Variants in NDUFAF6 observed in about 807,000 individuals in gnomAD.
NDUFAF6 encodes NADH dehydrogenase (ubiquinone) complex I, assembly factor 6.
Under a neutral mutation model 40.8 loss-of-function variants are expected in NDUFAF6, and 45 were observed. That is an observed-to-expected ratio of 1.10 (90% confidence interval 0.87 to 1.42). NDUFAF6 has a LOEUF of 1.42. Among genes scored for constraint, NDUFAF6 ranks in the 40% most tolerant of loss-of-function variants. The pLI, the probability that NDUFAF6 is intolerant of heterozygous loss-of-function variation, is 0.00. For synonymous variants in NDUFAF6, 185 were observed against 155.9 expected, an observed-to-expected ratio of 1.19 and a Z score of -1.39; for missense variants, 435 against 418.5, an observed-to-expected ratio of 1.04 and a Z score of -0.34.
At chr8:95,080,792 G>A (rs1324583721), downstream of NDUFAF6, among the ~76,000 whole-genome samples, 1 of 152,188 alleles carries the variant, frequency 6.6e-6, no homozygotes. Context: ...ACAGGCATGA[G>A]CCACTGTGCC....
chr8:95,111,404 C>T (rs749044144), intron 4 of NDUFAF6, among the ~76,000 whole-genome samples: 4 of 152,188 alleles, frequency 2.6e-5, no homozygotes, highest in Admixed American at 1.3e-4. Flanking sequence ...TTTAAATACA[C>T]GTGTAATCTC....
intron 1 of NDUFAF6, chr8:94,940,353 T>C (rs1486094556): frequency 5.9e-6 from 6 of 1,009,356 alleles, no homozygotes; most frequent in South Asian, 3.3e-5. Context: ...ATGATACTAT[T>C]AGCTGATGCT....
At chr8:94,904,824 T>C (rs1360858875) in intron 1 of NDUFAF6, among the ~76,000 whole-genome samples, 2 of 152,150 alleles carry the variant, frequency 1.3e-5, no homozygotes, top group Admixed American at 6.5e-5. Context: ...AGTTCTTTAT[T>C]TCTGCTTTGT....
chr8:94,961,882 G>A (rs1823606247), intron 1 of NDUFAF6, among the ~76,000 whole-genome samples: 1 of 152,166 alleles, frequency 6.6e-6, no homozygotes, highest in Admixed American at 6.5e-5. Flanking sequence ...TCCAGTGTCA[G>A]CTGCATCAAA....
At chr8:95,064,550 T>TGTGC (rs1832654367) in intron 9 of NDUFAF6, among the ~76,000 whole-genome samples, 1 of 152,160 alleles carries the variant, frequency 6.6e-6, no homozygotes, top group African/African-American at 2.4e-5. Context: ...CGTGTGTGTG[T>TGTGC]GTGTGTGTGT....
At chr8:95,100,208 C>T (rs1475436876), upstream of NDUFAF6, among the ~76,000 whole-genome samples, 3 of 151,170 alleles carry the variant, frequency 2.0e-5, no homozygotes, top group Admixed American at 1.3e-4. Context: ...TGAGGATACC[C>T]GTAAGAATTA....
intron 3 of NDUFAF6, among the ~76,000 whole-genome samples, chr8:95,041,131 A>G (rs551561667): frequency 2.0e-5 from 3 of 152,322 alleles, no homozygotes; most frequent in African/African-American, 7.2e-5. Flanking sequence ...CATGCCTATA[A>G]TACCAGCACT....
rs138108625 is a variant in NDUFAF6, at chr8:95,066,160, G to A, written c.*512-9473G>A. The stretch of plus-strand genomic sequence containing the variant: ...AAATGGGGTCTCTGTTACCCAGGCT[G>A]TAGTGCAGTGGAGTGATCATGGCTC... On this transcript the variant is annotated intron_variant and NMD_transcript_variant, in intron 9 of 9. Coordinates refer to the NDUFAF6 transcript ENST00000520757. Among the ~76,000 whole-genome samples the A allele has an allele frequency of 7.9e-4, 121 of 152,242 alleles. 2 individuals are homozygous for A. In the East Asian group the frequency reaches 0.011, roughly 13 times the overall value.
downstream of NDUFAF6, among the ~76,000 whole-genome samples, chr8:95,103,917 T>C (rs1326861435): frequency 6.6e-6 from 1 of 152,228 alleles, no homozygotes; most frequent in Non-Finnish European, 1.5e-5. Context: ...AACCAGGGCT[T>C]TAACTACCCA....
chr8:95,077,740 T>A (rs1179744101), downstream of NDUFAF6, among the ~76,000 whole-genome samples: 2 of 152,138 alleles, frequency 1.3e-5, no homozygotes, highest in Admixed American at 1.3e-4. Flanking sequence ...TTAGGACATT[T>A]CCCAGGGGGA....
In NDUFAF6 at chr8:95,047,087, G is replaced by A. The variant is rs771786310; in HGVS notation, c.674G>A (p.Ser225Asn). The A allele has an allele frequency of 6.8e-6, 11 of 1,614,066 alleles. No individual in the cohort carries two copies. The East Asian group carries it at 2.0e-4, about 29-fold the overall frequency. ...TTGAGAGCAACACCATATCATGGGA[G>A]CAGAAGAAAGGTGTTCCTTCCCATG... The part of the protein sequence containing the change: ...TCLRATPYHG[S>N]RRKVFLPMDI... The change falls in exon 6 of 9, where the codon AGC (serine) becomes AAC (asparagine). Residue 225 changes from serine to asparagine, a missense_variant. By Grantham distance (46) the Ser-to-Asn change is conservative (BLOSUM62 1). Coordinates refer to ENST00000396124, the MANE Select transcript of NDUFAF6 (RefSeq NM_152416.4).
chr8:95,016,911 C>T (rs1441622020), intron 2 of NDUFAF6, among the ~76,000 whole-genome samples: 2 of 148,596 alleles, frequency 1.3e-5, no homozygotes, highest in South Asian at 2.1e-4. Context: ...CCTCTTCCTT[C>T]TCTTCTTCCT....
At chr8:95,063,326 T>C (rs1832616709), downstream of NDUFAF6, among the ~76,000 whole-genome samples, 1 of 152,192 alleles carries the variant, frequency 6.6e-6, no homozygotes, top group African/African-American at 2.4e-5. Flanking sequence ...ACTGTTTTCC[T>C]GTAGTGGCTC....
At chr8:94,921,098 C>CA (rs1819470561) in intron 1 of NDUFAF6, among the ~76,000 whole-genome samples, 1 of 152,080 alleles carries the variant, frequency 6.6e-6, no homozygotes, top group Admixed American at 6.5e-5. Flanking sequence ...CTAGCTTAAG[C>CA]AAAAAGGAAT....
At chr8:95,012,268 GTAAAACCCTTATGTA>G (rs1353608076) in intron 2 of NDUFAF6, among the ~76,000 whole-genome samples, 1 of 152,022 alleles carries the variant, frequency 6.6e-6, no homozygotes, top group Non-Finnish European at 1.5e-5. Context: ...TTACTGCTTT[GTAAAACCCTTATGTA>G]AGTAAGGGCT....
chr8:94,982,877 G>A (rs1825557881), intron 2 of NDUFAF6, among the ~76,000 whole-genome samples: 1 of 152,216 alleles, frequency 6.6e-6, no homozygotes, highest in Admixed American at 6.5e-5. Flanking sequence ...CTTCCACAGG[G>A]TTGTTCACCT....
chr8:94,962,143 GC>G (rs1278978149), intron 1 of NDUFAF6, among the ~76,000 whole-genome samples: 2 of 152,148 alleles, frequency 1.3e-5, no homozygotes, highest in Non-Finnish European at 1.5e-5. Flanking sequence ...GACAGAGTTG[GC>G]CCTTCACCCT....
At chr8:94,986,528 T>C (rs1450485610) in intron 2 of NDUFAF6, among the ~76,000 whole-genome samples, 1 of 152,236 alleles carries the variant, frequency 6.6e-6, no homozygotes, top group Non-Finnish European at 1.5e-5. Context: ...GAGATATGAC[T>C]TAAAAATTTT....
chr8:94,952,757 CT>C (rs776203066), intron 2 of NDUFAF6, among the ~76,000 whole-genome samples: 2 of 152,182 alleles, frequency 1.3e-5, no homozygotes, highest in African/African-American at 4.8e-5. Context: ...ACCTTTGTGA[CT>C]TTTGTATGTT....
Sources: allele counts gnomAD v4.1 joint callset (sites outside exome capture counted in the v4.1 genomes callset), GRCh38; gene constraint gnomAD v4.1.1; transcripts MANE v1.5; gene names NCBI Gene and HGNC (gene_info 2026-07-23, HGNC 2026-07-21).